Variants in SPTBN1 observed in about 807,000 individuals in gnomAD.
SPTBN1 encodes spectrin beta, non-erythrocytic 1.
SPTBN1 carries 32 observed loss-of-function variants against 266.4 expected under a neutral mutation model. The ratio of observed to expected loss-of-function variants is 0.12; its 90% CI spans 0.09 to 0.16. The LOEUF (loss-of-function observed/expected upper bound fraction) is 0.16. Among genes scored for constraint, SPTBN1 ranks in the 10% least tolerant of loss-of-function variants. The pLI, the probability that SPTBN1 is intolerant of heterozygous loss-of-function variation, is 1.00. For missense variants in SPTBN1, 2,296 were observed against 3,067.1 expected, an observed-to-expected ratio of 0.75 and a Z score of 5.94; for synonymous variants, 1,336 against 1,162.2, an observed-to-expected ratio of 1.15 and a Z score of -3.04.
rs927266569 is a variant in SPTBN1 at position 54,530,960 on chromosome 2, T to C, written c.148+4394T>C. Among the ~76,000 whole-genome samples, 8 of 152,286 alleles carry C rather than the reference T, an allele frequency of 5.3e-5. No homozygotes were observed. In the East Asian group the frequency reaches 9.7e-4, roughly 18 times the overall value. Reference sequence around the variant, plus strand: ...CACCCAAGACTGAGCAGTTAGAGAATTGGAACTTTCAGCATCATCCACTCA... The same window carrying C: ...CACCCAAGACTGAGCAGTTAGAGAACTGGAACTTTCAGCATCATCCACTCA... On this transcript the variant is annotated intron_variant, in intron 2 of 35. Coordinates refer to ENST00000356805, the MANE Select transcript of SPTBN1 (RefSeq NM_003128.3).
chr2:54,458,474 CAAGTT>C (rs1389040271), intron 1 of SPTBN1, among the ~76,000 whole-genome samples: 1 of 152,044 alleles, frequency 6.6e-6, no homozygotes, highest in Non-Finnish European at 1.5e-5. Flanking sequence ...TTGAGGTAGC[CAAGTT>C]AAGTGTCCGG....
At chr2:54,487,900 G>T (rs894753230) in intron 1 of SPTBN1, among the ~76,000 whole-genome samples, 1 of 141,456 alleles carries the variant, frequency 7.1e-6, no homozygotes, top group Admixed American at 7.7e-5. Context: ...CACGATCTCA[G>T]CTCACTGCAA....
intron 5 of SPTBN1, among the ~76,000 whole-genome samples, 153 bp from the exon 6 acceptor site, chr2:54,617,455 G>A (rs1421634338): frequency 6.6e-6 from 1 of 152,130 alleles, no homozygotes; most frequent in African/African-American, 2.4e-5. Flanking sequence ...TCGAGTTGAC[G>A]GATTATTTGT....
chr2:54,544,934 A>C, intron 2 of SPTBN1, among the ~76,000 whole-genome samples: 1 of 151,524 alleles, frequency 6.6e-6, no homozygotes, highest in African/African-American at 2.4e-5. Context: ...CCAGCCCCCC[A>C]CTCCCCAGTA....
intron 2 of SPTBN1, among the ~76,000 whole-genome samples, chr2:54,542,731 A>G (rs189953999): frequency 1.3e-5 from 2 of 152,300 alleles, no homozygotes; most frequent in Non-Finnish European, 2.9e-5. Flanking sequence ...GGCTTGAGAA[A>G]GCAGGGCCTT....
At chr2:54,579,575 G>A (rs59667887) in intron 2 of SPTBN1, among the ~76,000 whole-genome samples, 41,786 of 151,960 alleles carry the variant, frequency 0.27, 7,673 homozygotes, top group African/African-American at 0.53. Context: ...CTGAGCTGAA[G>A]CACATTGGCA....
rs1246976557 is a variant in SPTBN1, at chr2:54,629,165, C to T, written c.2031C>T (p.Leu677=). 1.2e-6 allele frequency: 2 copies of T among 1,613,584 alleles called. No homozygotes were observed. Among genetic ancestry groups the T allele is most frequent in the Non-Finnish European group, 8.5e-7 (1 of 1,179,920 alleles). The part of the protein sequence containing the change: ...GKDLTSVMRL[L]SKHRAFEDEM... ...ACCTGACCAGCGTCATGCGCCTGCT[C>T]AGCAAGCACCGGGCGTTCGAGGACG... is the stretch of plus-strand genomic sequence containing the variant. Residue 677 remains leucine (L), a synonymous_variant, in exon 14 of 36, where the codon CTC becomes CTT. Coordinates refer to ENST00000356805, the MANE Select transcript of SPTBN1 (RefSeq NM_003128.3).
intron 1 of SPTBN1, among the ~76,000 whole-genome samples, chr2:54,463,817 C>G (rs1693493198): frequency 1.3e-5 from 2 of 152,108 alleles, no homozygotes; most frequent in Admixed American, 6.5e-5. Flanking sequence ...AAACCTGTTC[C>G]TATACATCAT....
At chr2:54,566,453 CCTGGAATTAT>C (rs1354540900) in intron 2 of SPTBN1, among the ~76,000 whole-genome samples, 1 of 152,034 alleles carries the variant, frequency 6.6e-6, no homozygotes, top group African/African-American at 2.4e-5. Flanking sequence ...CTCCCAAAGT[CCTGGAATTAT>C]AAGCGTGAGC....
At position 54,533,922 on chromosome 2, in the gene SPTBN1, ACACACG is replaced by A. The variant is rs1279307285; in HGVS notation, c.148+7360_148+7365del. 3.6e-5 allele frequency among the ~76,000 whole-genome samples: 5 copies of A among 137,356 alleles called. No individual in the cohort carries two copies. Among genetic ancestry groups the A allele is most frequent in the African/African-American group, 1.4e-4 (5 of 35,296 alleles). The allele number at this position is 137,356 out of a possible 152,430, so 90.1% of individuals were successfully genotyped here. A position where few individuals can be genotyped will look rare whatever the true frequency, so the allele number is the denominator to read the frequency against. On this transcript the variant is annotated intron_variant, in intron 2 of 35. Transcript: ENST00000356805. This position sits in a 1 kb window ranked among gnomAD's most constrained non-coding sequence, Gnocchi z 4.2. The stretch of plus-strand genomic sequence containing the variant: ...CTCTCACACACACACACACACACAC[ACACACG>A]CACGCACGCACACAAACACACACAC...
At chr2:54,487,269 A>G (rs1238452701) in intron 1 of SPTBN1, among the ~76,000 whole-genome samples, 2 of 148,188 alleles carry the variant, frequency 1.3e-5, no homozygotes, top group African/African-American at 2.5e-5. Context: ...CCAACATTTA[A>G]TTTTGTCTAT....
At chr2:54,572,463 C>T (rs116215032) in intron 2 of SPTBN1, among the ~76,000 whole-genome samples, 2,247 of 152,232 alleles carry the variant, frequency 0.015, 29 homozygotes, top group Non-Finnish European at 0.024. Flanking sequence ...GTGAGTAATG[C>T]TTTGCTAGAA....
At chr2:54,652,335 A>G (rs1402903923) in intron 26 of SPTBN1, among the ~76,000 whole-genome samples, 1 of 152,234 alleles carries the variant, frequency 6.6e-6, no homozygotes, top group Non-Finnish European at 1.5e-5. Flanking sequence ...TTTTGTTTTT[A>G]CAGAAGAAAA....
rs1680460768 is a variant in SPTBN1, at chr2:54,653,743, G to A, written c.5712G>A (p.Arg1904=). Residue 1904 remains arginine (R), a synonymous_variant, in exon 27 of 36, where the codon AGG becomes AGA. Transcript: ENST00000356805. The surrounding 1 kb of genome is among the most constrained non-coding windows in gnomAD (Gnocchi z 5.1). Reference sequence around the variant, plus strand: ...TCCTGGACGCCTGTGAGAGCCGCAGGGTGCGGCTGGTGGACACAGGGGACA... The same window carrying A: ...TCCTGGACGCCTGTGAGAGCCGCAGAGTGCGGCTGGTGGACACAGGGGACA... ...KSLLDACESR[R]VRLVDTGDKF... is the part of the protein sequence containing the mutation. 3.7e-6 allele frequency: 6 copies of A among 1,614,244 alleles called. No individual in the cohort carries two copies. Among genetic ancestry groups the A allele is most frequent in the African/African-American group, 1.3e-5 (1 of 75,072 alleles).
At chr2:54,632,935 A>G (rs1354551570) in intron 17 of SPTBN1, among the ~76,000 whole-genome samples, 167 bp downstream of exon 17, 2 of 152,216 alleles carry the variant, frequency 1.3e-5, no homozygotes, top group Non-Finnish European at 2.9e-5. Flanking sequence ...TGAGCTGTGC[A>G]TGACTGCCTG....
chr2:54,487,930 C>T (rs954486724), intron 1 of SPTBN1, among the ~76,000 whole-genome samples: 7 of 147,566 alleles, frequency 4.7e-5, no homozygotes, highest in African/African-American at 9.9e-5. Flanking sequence ...CCCAGGTTCA[C>T]GCCATTCTCC....
Position 54,646,994 on chromosome 2 carries a change from A to T in SPTBN1, c.4867-137A>T, listed in dbSNP as rs1679967539. On this transcript the variant is annotated intron_variant, in intron 23 of 35. Coordinates refer to ENST00000356805, the MANE Select transcript of SPTBN1 (RefSeq NM_003128.3). The surrounding 1 kb of genome is among the most constrained non-coding windows in gnomAD (Gnocchi z 4.4). ...AGCTCTTGGAACACTTCTGTGTTCC[A>T]CTGTCCGTACTGCACCTCTGGAGTT... 8.0e-7 allele frequency: 1 copy of T among 1,257,650 alleles called. No homozygotes were observed. Among genetic ancestry groups the T allele is most frequent in the East Asian group, 2.4e-5 (1 of 41,908 alleles). The allele number at this position is 1,257,650 out of a possible 1,614,324, so 77.9% of individuals were successfully genotyped here.
rs746323351 is a variant in SPTBN1, at chr2:54,533,534, C to T, written c.148+6968C>T. On this transcript the variant is annotated intron_variant, in intron 2 of 35. Coordinates refer to ENST00000356805, the MANE Select transcript of SPTBN1 (RefSeq NM_003128.3). This position sits in a 1 kb window ranked among gnomAD's most constrained non-coding sequence, Gnocchi z 4.2. The stretch of plus-strand genomic sequence containing the variant: ...ATGAGACTATATATGTATACAAGTG[C>T]CTGGAAGTTAGTATAGGCAATGATT... 1.3e-5 allele frequency among the ~76,000 whole-genome samples: 2 copies of T among 152,034 alleles called. No individual in the cohort carries two copies. Among genetic ancestry groups the T allele is most frequent in the Non-Finnish European group, 2.9e-5 (2 of 68,004 alleles).
At chr2:54,465,639 C>CATATATATATATATATATATATAT (rs70944167) in intron 1 of SPTBN1, among the ~76,000 whole-genome samples, 47 of 116,338 alleles carry the variant, frequency 4.0e-4, no homozygotes, top group African/African-American at 1.1e-3. Flanking sequence ...ATGTTTATCT[C>CATATATATATATATATATATATAT]ATATATATAT....
Sources: gnomAD v4.1 joint callset for allele counts (sites outside exome capture counted in the v4.1 genomes callset) on GRCh38, gnomAD v4.1.1 for gene constraint, Gnocchi (gnomAD v3.1) non-coding constraint, MANE v1.5 for transcripts, NCBI Gene and HGNC (gene_info 2026-07-23, HGNC 2026-07-21) for gene names.